The following KATNBL1 variants were observed in gnomAD, a reference collection of about 807,000 sequenced individuals.
KATNBL1 encodes the protein katanin regulatory subunit B1 like 1.
In KATNBL1, 28 loss-of-function variants were observed where a neutral mutation model predicts 44.7. That is an observed-to-expected ratio of 0.63 (90% CI 0.46 to 0.86). KATNBL1 has a LOEUF of 0.86. Among genes scored for constraint, KATNBL1 ranks in the 40% least tolerant of loss-of-function variants. The probability of loss-of-function intolerance (pLI) is 0.00; values close to 1 mark genes in which losing one functional copy is unlikely to be tolerated. For synonymous variants in KATNBL1, 78 were observed against 114.9 expected (o/e 0.68, Z 2.06); for missense variants, 272 against 350.7 (o/e 0.78, Z 1.79).
At chr15:34,145,184 T>C in intron 9 of KATNBL1, 1 of 1,356,758 alleles carries the variant, frequency 7.4e-7, no homozygotes, top group Middle Eastern at 2.0e-4. Context: ...TTTCAGGGGC[T>C]GTACATGAAA....
In KATNBL1 at chr15:34,147,091, A is replaced by G. The variant is rs528226532; in HGVS notation, c.698+109T>C. 6 of 696,434 alleles carry G rather than the reference A, an allele frequency of 8.6e-6. No homozygotes were observed. In the Admixed American group the frequency reaches 1.7e-4, roughly 19 times the overall value. The allele number at this position is 696,434 out of a possible 1,614,324, so 43.1% of individuals were successfully genotyped here. On this transcript the variant is annotated intron_variant, in intron 7 of 9. Coordinates refer to ENST00000256544, the MANE Select transcript of KATNBL1 (RefSeq NM_024713.3). The stretch of plus-strand genomic sequence containing the variant: ...CTAATTGTACTATTAGCTTCTTGAA[A>G]ACAGAAACCTTGCATGTCTCATGGA...
chr15:34,145,303 T>C, intron 9 of KATNBL1, 95 bp downstream of exon 9: 3 of 1,341,320 alleles, frequency 2.2e-6, no homozygotes, highest in Admixed American at 2.5e-5. Flanking sequence ...AACAGTACCA[T>C]ATTATTTTGC....
intron 2 of KATNBL1, among the ~76,000 whole-genome samples, chr15:34,156,440 C>T (rs57715967): frequency 6.6e-6 from 1 of 152,108 alleles, no homozygotes; most frequent in African/African-American, 2.4e-5. Context: ...GCCTGCCATG[C>T]GCACGAGCAT....
chr15:34,147,328 A>C, intron 6 of KATNBL1, 39 bp from the exon 7 acceptor site: 1 of 1,595,112 alleles, frequency 6.3e-7, no homozygotes, highest in Non-Finnish European at 8.6e-7. Context: ...TGGATGGGCC[A>C]TAATTTGACC....
chr15:34,174,358 T>G (rs1889258634), intron 1 of KATNBL1, among the ~76,000 whole-genome samples: 1 of 152,180 alleles, frequency 6.6e-6, no homozygotes, highest in Admixed American at 6.5e-5. Context: ...GAAACGTGTT[T>G]ACGTAACCTG....
chr15:34,159,898 T>C (rs2140923156), intron 2 of KATNBL1, among the ~76,000 whole-genome samples: 1 of 152,338 alleles, frequency 6.6e-6, no homozygotes, highest in Non-Finnish European at 1.5e-5. Context: ...AGATAAAAAG[T>C]TCTTCTTGTG....
chr15:34,174,642 A>G (rs958353094), intron 1 of KATNBL1, among the ~76,000 whole-genome samples: 1 of 150,858 alleles, frequency 6.6e-6, no homozygotes, highest in Non-Finnish European at 1.5e-5. Flanking sequence ...GGAAGGGGGG[A>G]AAAAAGTATC....
intron 1 of KATNBL1, 71 bp from the exon 2 acceptor site, chr15:34,163,761 C>A: frequency 2.4e-6 from 2 of 817,312 alleles, no homozygotes; most frequent in Non-Finnish European, 1.9e-6. Context: ...CACACACAAA[C>A]ATACAACAGT....
chr15:34,142,322 T>C lies in KATNBL1; in HGVS notation c.*17A>G. The C allele has an allele frequency of 8.2e-6, 13 of 1,590,242 alleles. No homozygotes were observed. Among genetic ancestry groups the C allele is most frequent in the Non-Finnish European group, 1.1e-5 (13 of 1,170,104 alleles). On this transcript the variant is annotated 3_prime_UTR_variant, in exon 10 of 10. Coordinates refer to ENST00000256544, the MANE Select transcript of KATNBL1 (RefSeq NM_024713.3). ...GATGTTTTGAAAAACCAAATGCTCT[T>C]TAGTAGATGAAATCTCTCAATGTAA... is the stretch of plus-strand genomic sequence containing the variant.
rs377716666 is a variant in KATNBL1, at chr15:34,180,146, C to T, written c.-14-16456G>A. ...CTGCTTTCAAACATGATCAGATTTC[C>T]GTGATCAACTCCTATACTCTTTCTC... On this transcript the variant is annotated intron_variant, in intron 1 of 9. Coordinates refer to ENST00000256544, the MANE Select transcript of KATNBL1 (RefSeq NM_024713.3). Among the ~76,000 whole-genome samples, 16 of 152,192 alleles carry T rather than the reference C, an allele frequency of 1.1e-4. 1 individual carries two copies. The South Asian group carries it at 2.5e-3, about 24-fold the overall frequency.
At chr15:34,165,423 G>T (rs1312780690) in intron 1 of KATNBL1, among the ~76,000 whole-genome samples, 1 of 152,148 alleles carries the variant, frequency 6.6e-6, no homozygotes, top group Non-Finnish European at 1.5e-5. Context: ...TAAAAGGTTT[G>T]TAAAGACATA....
chr15:34,192,613 A>T (rs1889909085), intron 1 of KATNBL1, among the ~76,000 whole-genome samples: 1 of 152,164 alleles, frequency 6.6e-6, no homozygotes, highest in African/African-American at 2.4e-5. Flanking sequence ...TTGTTTCAGT[A>T]AGTAATGTGA....
At chr15:34,156,647 AG>A (rs1415545542) in intron 2 of KATNBL1, among the ~76,000 whole-genome samples, 1 of 152,154 alleles carries the variant, frequency 6.6e-6, no homozygotes, top group Non-Finnish European at 1.5e-5. Flanking sequence ...GCTTAGGGGA[AG>A]GTGTAGGCGG....
intron 1 of KATNBL1, among the ~76,000 whole-genome samples, chr15:34,193,228 A>C (rs1214863976): frequency 8.2e-6 from 1 of 121,432 alleles, no homozygotes; most frequent in Non-Finnish European, 1.8e-5. Flanking sequence ...AAAAAAAAAA[A>C]AAAAAAACAA....
chr15:34,178,566 G>C (rs756444993), intron 1 of KATNBL1, among the ~76,000 whole-genome samples: 14 of 151,972 alleles, frequency 9.2e-5, no homozygotes, highest in South Asian at 2.1e-4. Context: ...GACCATCCTG[G>C]CTAACCCGGT....
At chr15:34,168,979 G>GA (rs1889070303) in intron 1 of KATNBL1, among the ~76,000 whole-genome samples, 1 of 152,122 alleles carries the variant, frequency 6.6e-6, no homozygotes, top group South Asian at 2.1e-4. Flanking sequence ...GCCCCCAAGA[G>GA]AAAGCAGGAA....
At chr15:34,181,602 ATGTC>A (rs761352644) in intron 1 of KATNBL1, among the ~76,000 whole-genome samples, 410 of 34,508 alleles carry the variant, frequency 0.012, 5 homozygotes, top group Non-Finnish European at 0.023. Flanking sequence ...ACACATATAT[ATGTC>A]CATATATATA....
intron 1 of KATNBL1, among the ~76,000 whole-genome samples, chr15:34,204,767 A>C (rs1890250253): frequency 6.6e-6 from 1 of 152,174 alleles, no homozygotes; most frequent in African/African-American, 2.4e-5. Flanking sequence ...CCAACTATTC[A>C]ATAATTAAGT....
At chr15:34,163,825 T>A (rs1888882960) in intron 1 of KATNBL1, 135 bp from the exon 2 acceptor site, 2 of 488,610 alleles carry the variant, frequency 4.1e-6, no homozygotes, top group Non-Finnish European at 7.0e-6. Context: ...TACACATTTT[T>A]AAAAACCTTA....
Sources: gnomAD v4.1 joint callset for allele counts (sites outside exome capture counted in the v4.1 genomes callset) on GRCh38, gnomAD v4.1.1 for gene constraint, MANE v1.5 for transcripts, NCBI Gene and HGNC (gene_info 2026-07-23, HGNC 2026-07-21) for gene names.